Variants in ADAMTS2 observed in about 807,000 individuals in gnomAD.
ADAMTS2 encodes ADAM metallopeptidase with thrombospondin type 1 motif 2, also known as A disintegrin and metalloproteinase with thrombospondin motifs 2.
In ADAMTS2, 50 loss-of-function variants were observed where a neutral mutation model predicts 123.0. The observed-to-expected ratio is 0.41, with a 90% CI of 0.32 to 0.51. The LOEUF (loss-of-function observed/expected upper bound fraction) is 0.51, where lower values mean the gene tolerates loss of function less well. Ranked by LOEUF, ADAMTS2 falls within the 20% of genes least tolerant of loss-of-function variation. The pLI is 0.35. For synonymous variants in ADAMTS2, 678 were observed against 695.4 expected (o/e 0.98, Z 0.39); for missense variants, 1,494 against 1,705.2 (o/e 0.88, Z 2.18).
intron 3 of ADAMTS2, among the ~76,000 whole-genome samples, chr5:179,246,796 T>C (rs541126155): frequency 2.0e-5 from 3 of 152,194 alleles, no homozygotes; most frequent in Non-Finnish European, 4.4e-5. Flanking sequence ...AGCTGACCAC[T>C]AAGCTAACAA....
At chr5:179,268,600 T>C (rs1029483165) in intron 3 of ADAMTS2, among the ~76,000 whole-genome samples, 4 of 152,210 alleles carry the variant, frequency 2.6e-5, no homozygotes, top group African/African-American at 7.2e-5. Flanking sequence ...TCTGTGCACG[T>C]GGTCTTGGAG....
At chr5:179,192,492 C>T (rs1764329961) in intron 4 of ADAMTS2, among the ~76,000 whole-genome samples, 1 of 152,208 alleles carries the variant, frequency 6.6e-6, no homozygotes, top group African/African-American at 2.4e-5. Flanking sequence ...CAGACTCTGG[C>T]AGATGGAAAG....
intron 3 of ADAMTS2, among the ~76,000 whole-genome samples, chr5:179,224,978 T>C (rs758899759): frequency 1.3e-5 from 2 of 152,238 alleles, no homozygotes; most frequent in Non-Finnish European, 2.9e-5. Context: ...CACCTGCCTC[T>C]GCCTCACAGT....
chr5:179,277,238 G>A (rs540499481), intron 2 of ADAMTS2, among the ~76,000 whole-genome samples: 8 of 152,002 alleles, frequency 5.3e-5, no homozygotes, highest in African/African-American at 9.7e-5. Context: ...AGCCCCGCCC[G>A]TCTCTGTTGA....
chr5:179,132,483 C>T lies in ADAMTS2; in HGVS notation c.2210-173G>A, dbSNP rs1762981846. Among the ~76,000 whole-genome samples the T allele has an allele frequency of 6.6e-6, 1 of 152,146 alleles. No individual in the cohort carries two copies. The highest frequency in any genetic ancestry group is 2.4e-5 in the African/African-American group (1 of 41,432). ...CTGAGAGGGGCCACCAGGAAAGCTG[C>T]TGCCTCCAGGCTAGTCTTTAAGGCC... On this transcript the variant is annotated intron_variant, in intron 14 of 21. Coordinates refer to ENST00000251582, the MANE Select transcript of ADAMTS2 (RefSeq NM_014244.5). This position sits in a 1 kb window ranked among gnomAD's most constrained non-coding sequence, Gnocchi z 6.1.
intron 3 of ADAMTS2, among the ~76,000 whole-genome samples, chr5:179,224,356 C>T (rs1215873330): frequency 1.3e-5 from 2 of 152,208 alleles, no homozygotes; most frequent in African/African-American, 2.4e-5. Flanking sequence ...AATTCTCACT[C>T]GGGCCTCCCT....
chr5:179,219,990 C>T (rs1765091900), intron 3 of ADAMTS2, among the ~76,000 whole-genome samples: 1 of 152,222 alleles, frequency 6.6e-6, no homozygotes, highest in African/African-American at 2.4e-5. Flanking sequence ...GCAAGCCCTG[C>T]CCCTGCCTAG....
chr5:179,163,164 A>G (rs1763631395), intron 5 of ADAMTS2, among the ~76,000 whole-genome samples: 1 of 152,114 alleles, frequency 6.6e-6, no homozygotes, highest in African/African-American at 2.4e-5. Flanking sequence ...GCTTGTGGGG[A>G]GTACCGGGAG....
Position 179,332,114 on chromosome 5 carries a change from C to A in ADAMTS2, c.534+11653G>T. ...AACTGTGACCTTGGAATCAGACAGA[C>A]ATGTGTTCATTAATAGAACAGATCA... On this transcript the variant is annotated intron_variant, in intron 2 of 21. Coordinates refer to ENST00000251582, the MANE Select transcript of ADAMTS2 (RefSeq NM_014244.5). This position sits in a 1 kb window ranked among gnomAD's most constrained non-coding sequence, Gnocchi z 4.2. 6.6e-6 allele frequency among the ~76,000 whole-genome samples: 1 copy of A among 152,368 alleles called. No individual in the cohort carries two copies.
intron 3 of ADAMTS2, among the ~76,000 whole-genome samples, chr5:179,215,792 C>T (rs1172282004): frequency 2.0e-5 from 3 of 152,094 alleles, no homozygotes; most frequent in Admixed American, 1.3e-4. Context: ...AATCAGGTTA[C>T]AGGAGAGGTC....
chr5:179,199,084 C>T (rs1764499947), intron 4 of ADAMTS2, among the ~76,000 whole-genome samples: 2 of 152,188 alleles, frequency 1.3e-5, no homozygotes. Context: ...GGTCTGAGCG[C>T]AGGGCTCAGG....
intron 21 of ADAMTS2, among the ~76,000 whole-genome samples, chr5:179,119,248 G>T (rs1762713397): frequency 6.6e-6 from 1 of 152,216 alleles, no homozygotes; most frequent in African/African-American, 2.4e-5. Context: ...GATGATCAAT[G>T]ATCTGAGCTC....
chr5:179,275,642 G>C (rs961650561), intron 2 of ADAMTS2, among the ~76,000 whole-genome samples: 1 of 152,210 alleles, frequency 6.6e-6, no homozygotes, highest in Non-Finnish European at 1.5e-5. Context: ...AGATTGGAGC[G>C]ATGTGGCCTC....
At chr5:179,159,802 GA>G (rs1317315481) in intron 5 of ADAMTS2, among the ~76,000 whole-genome samples, 1 of 152,196 alleles carries the variant, frequency 6.6e-6, no homozygotes, top group East Asian at 1.9e-4. Flanking sequence ...CGGATCCCAA[GA>G]AGGCTGAAAC....
At position 179,193,609 on chromosome 5, in the gene ADAMTS2, T is replaced by C. The variant is rs140502126; in HGVS notation, c.892-12454A>G. Among the ~76,000 whole-genome samples the C allele has an allele frequency of 9.6e-3, 1,458 of 152,258 alleles. 8 individuals carry two copies. Among genetic ancestry groups the C allele is most frequent in the Non-Finnish European group, 0.014 (979 of 68,014 alleles). ...CCACGAGGAGTTCCACACCCACAGATAGAGTTCATTTTTATGGGAGTCTCT... is the reference window on the plus strand; with the variant it reads ...CCACGAGGAGTTCCACACCCACAGACAGAGTTCATTTTTATGGGAGTCTCT... On this transcript the variant is annotated intron_variant, in intron 4 of 21. Coordinates refer to ENST00000251582, the MANE Select transcript of ADAMTS2 (RefSeq NM_014244.5).
chr5:179,171,947 C>G (rs1190390121), intron 5 of ADAMTS2, among the ~76,000 whole-genome samples: 1 of 152,142 alleles, frequency 6.6e-6, no homozygotes, highest in African/African-American at 2.4e-5. Flanking sequence ...CACAACCCAG[C>G]ACTGCCTCTC....
At chr5:179,297,180 G>C (rs1485225741) in intron 2 of ADAMTS2, among the ~76,000 whole-genome samples, 2 of 152,164 alleles carry the variant, frequency 1.3e-5, no homozygotes, top group Non-Finnish European at 2.9e-5. Flanking sequence ...TGGGTGACAG[G>C]TCTCCTAGAC....
intron 10 of ADAMTS2, among the ~76,000 whole-genome samples, chr5:179,149,643 A>C (rs1461388830): frequency 6.6e-6 from 1 of 152,232 alleles, no homozygotes; most frequent in Non-Finnish European, 1.5e-5. Context: ...AAAGGGTGGG[A>C]GAGAAGATGA....
intron 3 of ADAMTS2, among the ~76,000 whole-genome samples, chr5:179,247,218 C>T (rs1249591571): frequency 6.6e-6 from 1 of 152,062 alleles, no homozygotes; most frequent in African/African-American, 2.4e-5. Context: ...GAACCACAAA[C>T]AATTTTGGAG....
Sources: allele counts gnomAD v4.1 joint callset (sites outside exome capture counted in the v4.1 genomes callset), GRCh38; gene constraint gnomAD v4.1.1; non-coding constraint Gnocchi (gnomAD v3.1); transcripts MANE v1.5; gene names NCBI Gene and HGNC (gene_info 2026-07-23, HGNC 2026-07-21).